NDRG2: variants seen among roughly 807,000 people sequenced by gnomAD.
The protein encoded by NDRG2 is protein NDRG2.
NDRG2 carries 34 observed loss-of-function variants against 58.2 expected under a neutral mutation model. The ratio of observed to expected loss-of-function variants is 0.58; its 90% CI spans 0.44 to 0.78. NDRG2 has a LOEUF of 0.78. Among genes scored for constraint, NDRG2 ranks in the 30% least tolerant of loss-of-function variants. The probability of loss-of-function intolerance (pLI) is 0.00; values close to 1 mark genes in which losing one functional copy is unlikely to be tolerated. For synonymous variants in NDRG2, 187 were observed against 175.9 expected (o/e 1.06, Z -0.50); for missense variants, 434 against 471.2 (o/e 0.92, Z 0.73).
rs1454361361 is a variant in NDRG2, at chr14:21,068,132, TG to T, written c.24+2695del. 7.0e-3 allele frequency among the ~76,000 whole-genome samples: 341 copies of T among 48,402 alleles called. 105 individuals carry two copies. Among genetic ancestry groups the T allele is most frequent in the African/African-American group, 0.015 (331 of 22,282 alleles). 31.8% of individuals were successfully genotyped at this position (48,402 alleles called of 152,430 possible). A position where few individuals can be genotyped will look rare whatever the true frequency, so the allele number is the denominator to read the frequency against. On this transcript the variant is annotated intron_variant, in intron 1 of 14. Coordinates refer to the NDRG2 transcript ENST00000403829. ...CTCCTGCCTCAGCCTCCCGAGTAGC[TG>T]GGACTACAGGCGCCCGCTACCACGC... is the stretch of plus-strand genomic sequence containing the variant.
At chr14:21,045,690 A>T (rs1885111338) in intron 1 of NDRG2, among the ~76,000 whole-genome samples, 1 of 152,248 alleles carries the variant, frequency 6.6e-6, no homozygotes, top group African/African-American at 2.4e-5. Flanking sequence ...CCTTCAATGC[A>T]TCCTCCCAAA....
intron 1 of NDRG2, chr14:21,058,367 C>T (rs1281680018): frequency 6.4e-7 from 1 of 1,571,784 alleles, no homozygotes; most frequent in South Asian, 1.2e-5. Context: ...AGCCCTGGTG[C>T]CCACGTTCCA....
At chr14:21,063,315 G>T (rs902696100) in intron 1 of NDRG2, among the ~76,000 whole-genome samples, 3 of 152,090 alleles carry the variant, frequency 2.0e-5, no homozygotes, top group African/African-American at 7.2e-5. Flanking sequence ...GCTATATTCC[G>T]CCAATTACAG....
At chr14:21,022,280 G>C in intron 4 of NDRG2, 98 bp from the exon 5 acceptor site, 1 of 1,595,484 alleles carries the variant, frequency 6.3e-7, no homozygotes. Context: ...GTCAGACCAG[G>C]AGAGAACTTC....
At chr14:21,043,813 A>G in intron 1 of NDRG2, 1 of 225,852 alleles carries the variant, frequency 4.4e-6, no homozygotes. Flanking sequence ...TTGTGGACAC[A>G]GCTGTTTCTG....
At chr14:21,033,547 A>T in intron 1 of NDRG2, 1 of 497,712 alleles carries the variant, frequency 2.0e-6, no homozygotes, top group Non-Finnish European at 3.7e-6. Flanking sequence ...GGACACAGTC[A>T]ACTTCTTGGG....
intron 1 of NDRG2, among the ~76,000 whole-genome samples, chr14:21,065,148 G>A (rs1215845828): frequency 6.6e-6 from 1 of 151,448 alleles, no homozygotes; most frequent in Non-Finnish European, 1.5e-5. Flanking sequence ...TCCAGCCTGG[G>A]CGATGAGCAA....
At position 21,056,715 on chromosome 14, in the gene NDRG2, G is replaced by A. The variant is rs550397248; in HGVS notation, c.24+14113C>T. Among the ~76,000 whole-genome samples the A allele has an allele frequency of 1.8e-3, 281 of 152,288 alleles. 1 individual carries two copies. Among genetic ancestry groups the A allele is most frequent in the Non-Finnish European group, 3.0e-3 (204 of 68,036 alleles). On this transcript the variant is annotated intron_variant, in intron 1 of 14. Coordinates refer to the NDRG2 transcript ENST00000403829. ...TTTCCTCTTTCCTTTTTAGCTTGGC[G>A]CCAGCCCAAAGGGATGGGTTGAACA... is the stretch of plus-strand genomic sequence containing the variant.
At position 21,051,584 on chromosome 14, in the gene NDRG2, ACAAGCTCAT is replaced by A. The variant is rs879445148; in HGVS notation, c.24+19235_24+19243del. On this transcript the variant is annotated intron_variant, in intron 1 of 14. Transcript: ENST00000403829. Reference sequence around the variant, plus strand: ...AAAGGGAGACAGTCCTCCCGCAGAGACAAGCTCATAGTGCAAATGGGCACCATAGGAAGG... The same window carrying A: ...AAAGGGAGACAGTCCTCCCGCAGAGAAGTGCAAATGGGCACCATAGGAAGG... Among the ~76,000 whole-genome samples the A allele has an allele frequency of 7.2e-3, 1,091 of 152,272 alleles. 5 individuals carry two copies. Among genetic ancestry groups the A allele is most frequent in the Non-Finnish European group, 0.01 (696 of 68,030 alleles).
chr14:21,055,981 G>A (rs1485672340), intron 1 of NDRG2, among the ~76,000 whole-genome samples: 1 of 152,102 alleles, frequency 6.6e-6, no homozygotes, highest in African/African-American at 2.4e-5. Context: ...GGGGAGGAGT[G>A]CACGAAGGGA....
Position 21,070,318 on chromosome 14 carries a change from A to G in NDRG2, c.24+510T>C. 3 of 1,382,848 alleles carry G rather than the reference A, an allele frequency of 2.2e-6. No individual in the cohort carries two copies. The highest frequency in any genetic ancestry group is 1.9e-6 in the Non-Finnish European group (2 of 1,069,656). 85.7% of individuals were successfully genotyped at this position (1,382,848 alleles called of 1,614,324 possible). ...GTCCCTTAGCCAGACCCGGCGAGAC[A>G]CGAGCGGCGGGAGGGAGGCGGTGGC... On this transcript the variant is annotated intron_variant, in intron 1 of 14. Transcript: ENST00000403829. This position sits in a 1 kb window ranked among gnomAD's most constrained non-coding sequence, Gnocchi z 4.7.
chr14:21,032,738 A>G (rs1884310233), intron 1 of NDRG2: 3 of 364,862 alleles, frequency 8.2e-6, no homozygotes, highest in African/African-American at 6.4e-5. Context: ...AGATGGCCAG[A>G]TGAGGCAGGC....
chr14:21,018,998 G>C, intron 11 of NDRG2, 118 bp downstream of exon 11: 1 of 1,283,560 alleles, frequency 7.8e-7, no homozygotes, highest in Non-Finnish European at 1.1e-6. Context: ...TACCAAATAG[G>C]ATGGGGTGGG....
rs1052896211 is a variant in NDRG2, at chr14:21,070,163, G to A, written c.24+665C>T. 1 of 233,598 alleles carries A rather than the reference G, an allele frequency of 4.3e-6. No homozygotes were observed. Among genetic ancestry groups the A allele is most frequent in the African/African-American group, 2.3e-5 (1 of 43,294 alleles). 14.5% of individuals were successfully genotyped at this position (233,598 alleles called of 1,614,324 possible). ...GGCGCGGGAGACAGAGTCCCGGCAA[G>A]GGGTCCCGCGCGGAGGCGGGGGCGG... On this transcript the variant is annotated intron_variant, in intron 1 of 14. Transcript: ENST00000403829. This position sits in a 1 kb window ranked among gnomAD's most constrained non-coding sequence, Gnocchi z 4.7.
At chr14:21,069,016 A>G (rs1378520995) in intron 1 of NDRG2, among the ~76,000 whole-genome samples, 5 of 152,202 alleles carry the variant, frequency 3.3e-5, no homozygotes, top group Non-Finnish European at 7.4e-5. Flanking sequence ...TTTTCTCATC[A>G]TCGCCCTCCA....
intron 1 of NDRG2, among the ~76,000 whole-genome samples, chr14:21,062,714 T>TGA (rs1886029605): frequency 6.7e-6 from 1 of 148,882 alleles, no homozygotes; most frequent in East Asian, 2.0e-4. Context: ...GCACAGTGTG[T>TGA]GTGTGTGTGT....
Position 21,017,467 on chromosome 14 carries a change from CA to C in NDRG2, c.*128del, listed in dbSNP as rs955995222. On this transcript the variant is annotated 3_prime_UTR_variant, in exon 16 of 16. Coordinates refer to ENST00000556147, the MANE Select transcript of NDRG2 (RefSeq NM_001320329.2). ...CAAGGTTAGGGTAGCAATCAAAGAT[CA>C]AGGTCATCTCCCCGCATGATCTGCC... 3.1e-5 allele frequency: 32 copies of C among 1,047,546 alleles called. No individual in the cohort carries two copies. In the African/African-American group the frequency reaches 5.0e-4, roughly 16 times the overall value. The allele number at this position is 1,047,546 out of a possible 1,614,324, so 64.9% of individuals were successfully genotyped here.
Position 21,070,485 on chromosome 14 carries a change from C to G in NDRG2, c.24+343G>C. 7 of 1,347,334 alleles carry G rather than the reference C, an allele frequency of 5.2e-6. No homozygotes were observed. The highest frequency in any genetic ancestry group is 6.7e-6 in the Non-Finnish European group (7 of 1,049,754). 83.5% of individuals were successfully genotyped at this position (1,347,334 alleles called of 1,614,324 possible). ...CCCAAGTCCTCAGCCTGGTGCCTCC[C>G]GAGCCTGCCTCGGACTGTTCGGCCC... On this transcript the variant is annotated intron_variant, in intron 1 of 14. Coordinates refer to the NDRG2 transcript ENST00000403829. This position sits in a 1 kb window ranked among gnomAD's most constrained non-coding sequence, Gnocchi z 4.7.
At position 21,018,818 on chromosome 14, in the gene NDRG2, A is replaced by C; in HGVS notation, c.762-4T>G. 6.2e-7 allele frequency: 1 copy of C among 1,614,092 alleles called. No individual in the cohort carries two copies. The highest frequency in any genetic ancestry group is 1.6e-4 in the Middle Eastern group (1 of 6,062). Reference sequence around the variant, plus strand: ...TACCACCAGCATCACAGGACACCTAAAGACACAGTGTTGGGGAGAAGGCAG... The same window carrying C: ...TACCACCAGCATCACAGGACACCTACAGACACAGTGTTGGGGAGAAGGCAG... On this transcript the variant is annotated splice_polypyrimidine_tract_variant and splice_region_variant and intron_variant, in intron 11 of 15. Transcript: ENST00000556147.
Sources: gnomAD v4.1 joint callset for allele counts (sites outside exome capture counted in the v4.1 genomes callset) on GRCh38, gnomAD v4.1.1 for gene constraint, Gnocchi (gnomAD v3.1) non-coding constraint, MANE v1.5 for transcripts, NCBI Gene and HGNC (gene_info 2026-07-23, HGNC 2026-07-21) for gene names.